The following MRGPRX3 variants were observed in gnomAD, a reference collection of about 807,000 sequenced individuals.
MRGPRX3 encodes mas-related G protein-coupled receptor member X3.
In MRGPRX3, 14 loss-of-function variants were observed where a neutral mutation model predicts 16.5. The ratio of observed to expected loss-of-function variants is 0.85; its 90% CI spans 0.56 to 1.33. MRGPRX3 has a LOEUF of 1.33. MRGPRX3 is among the 40% of genes most tolerant of loss of function. The pLI, the probability that MRGPRX3 is intolerant of heterozygous loss-of-function variation, is 0.00. For missense variants in MRGPRX3, 449 were observed against 413.0 expected (o/e 1.09, Z -0.76); for synonymous variants, 199 against 180.1 (o/e 1.10, Z -0.84).
chr11:18,128,698 A>C (rs964355784), upstream of MRGPRX3, among the ~76,000 whole-genome samples: 7 of 152,228 alleles, frequency 4.6e-5, no homozygotes, highest in Non-Finnish European at 8.8e-5. Context: ...TGGCTAGGAA[A>C]GGGAATTCCC....
In MRGPRX3 at chr11:18,121,031, C is replaced by T. The variant is rs558173989; in HGVS notation, c.-285C>T. 360 of 157,266 alleles carry T rather than the reference C, an allele frequency of 2.3e-3. 1 individual carries two copies. Among genetic ancestry groups the T allele is most frequent in the Middle Eastern group, 0.012 (4 of 340 alleles). 9.7% of individuals were successfully genotyped at this position (157,266 alleles called of 1,614,324 possible). On this transcript the variant is annotated 5_prime_UTR_variant, in exon 1 of 3. Transcript: ENST00000396275. The stretch of plus-strand genomic sequence containing the variant: ...GAAGTGAGGAGCGCCTCTTCCCGGC[C>T]GCCATCCCATCTAGGAAGTGAGGAG...
rs768529402 is a variant in MRGPRX3 at position 18,138,137 on chromosome 11, C to G, written c.935C>G (p.Thr312Ser). The G allele has an allele frequency of 5.0e-6, 8 of 1,613,198 alleles. No individual in the cohort carries two copies. The highest frequency in any genetic ancestry group is 6.8e-6 in the Non-Finnish European group (8 of 1,179,614). ...DEGGGWLPQE[T>S]LELSGSRLEQ ...GGTGGAGGGTGGCTTCCTCAGGAAA[C>G]CCTGGAGCTGTCGGGAAGCAGATTG... The change falls in exon 2 of 2, where the codon ACC becomes AGC. Residue 312 changes from threonine to serine, a missense_variant. Thr to Ser is a moderately conservative substitution (Grantham distance 58). Transcript: ENST00000621697.
At chr11:18,123,484 T>A (rs765272488) in intron 1 of MRGPRX3, among the ~76,000 whole-genome samples, 3 of 152,150 alleles carry the variant, frequency 2.0e-5, no homozygotes, top group African/African-American at 4.8e-5. Flanking sequence ...GTTTGTCAAA[T>A]ATCAGATAGT....
Position 18,132,676 on chromosome 11 carries a change from T to C in MRGPRX3, c.-89T>C, listed in dbSNP as rs1975777. ...AGTCCTCTGAAGTCACTGAATCCCA[T>C]AAAGGCTCTCTACCTTTAGCACAAG... On this transcript the variant is annotated 5_prime_UTR_variant, in exon 1 of 2. Coordinates refer to ENST00000621697, the MANE Select transcript of MRGPRX3 (RefSeq NM_001370464.1). 6.6e-6 allele frequency: 1 copy of C among 152,104 alleles called. No homozygotes were observed. The highest frequency in any genetic ancestry group is 2.4e-5 in the African/African-American group (1 of 41,398). The allele number at this position is 152,104 out of a possible 1,614,324, so 9.4% of individuals were successfully genotyped here.
In MRGPRX3 at chr11:18,121,774, GC is replaced by G. The variant is rs1287578484; in HGVS notation, c.-152+611del. 2.6e-5 allele frequency among the ~76,000 whole-genome samples: 4 copies of G among 152,292 alleles called. No individual in the cohort carries two copies. The East Asian group carries it at 7.7e-4, about 29-fold the overall frequency. Reference sequence around the variant, plus strand: ...ATGGATTAAGGGCGGTGAAAGATGTGCTTTGTTAAACAGACGCTTGAAGGCA... The same window carrying G: ...ATGGATTAAGGGCGGTGAAAGATGTGTTTGTTAAACAGACGCTTGAAGGCA... On this transcript the variant is annotated intron_variant, in intron 1 of 2. Transcript: ENST00000396275.
At chr11:18,125,657 A>G (rs2134079992) in intron 1 of MRGPRX3, among the ~76,000 whole-genome samples, 1 of 152,276 alleles carries the variant, frequency 6.6e-6, no homozygotes, top group Non-Finnish European at 1.5e-5. Context: ...AGAAGAATGT[A>G]TATTCTGTTG....
upstream of MRGPRX3, among the ~76,000 whole-genome samples, chr11:18,128,905 A>C (rs1487010368): frequency 6.6e-6 from 1 of 152,148 alleles, no homozygotes; most frequent in African/African-American, 2.4e-5. Flanking sequence ...AGCTGTTCCT[A>C]TTTGGCCATC....
Position 18,137,966 on chromosome 11 carries a change from T to C in MRGPRX3, c.764T>C (p.Leu255Pro). The change falls in exon 2 of 2, where the codon CTA becomes CCA. Residue 255 changes from leucine to proline, a missense_variant. Physicochemically the swap from Leu to Pro is moderately conservative, Grantham distance 98. Transcript: ENST00000621697. ...DWKVLFCHVH[L>P]VSIFLSALNS... is the part of the protein sequence containing the mutation. ...AAAGTCTTATTTTGTCATGTGCATCTAGTTTCCATTTTCCTGTCCGCTCTT... is the reference window on the plus strand; with the variant it reads ...AAAGTCTTATTTTGTCATGTGCATCCAGTTTCCATTTTCCTGTCCGCTCTT... The C allele has an allele frequency of 3.1e-6, 5 of 1,614,208 alleles. No individual in the cohort carries two copies. Among genetic ancestry groups the C allele is most frequent in the Non-Finnish European group, 4.2e-6 (5 of 1,180,038 alleles).
chr11:18,123,621 T>A (rs570503281), intron 1 of MRGPRX3, among the ~76,000 whole-genome samples: 1 of 152,322 alleles, frequency 6.6e-6, no homozygotes, highest in Admixed American at 6.5e-5. Flanking sequence ...TCAGGTAGTG[T>A]GATGCCTCCA....
upstream of MRGPRX3, among the ~76,000 whole-genome samples, chr11:18,128,471 G>A (rs1848925360): frequency 6.6e-6 from 1 of 152,232 alleles, no homozygotes; most frequent in African/African-American, 2.4e-5. Flanking sequence ...TCAAGCCTCA[G>A]CAATGGCGGG....
upstream of MRGPRX3, among the ~76,000 whole-genome samples, chr11:18,130,736 A>C (rs1848953636): frequency 6.6e-6 from 1 of 151,202 alleles, no homozygotes; most frequent in Non-Finnish European, 1.5e-5. Context: ...AGCAAGACTT[A>C]GCAAAAAGAA....
intron 1 of MRGPRX3, among the ~76,000 whole-genome samples, chr11:18,124,147 G>C (rs1848867745): frequency 6.6e-6 from 1 of 152,204 alleles, no homozygotes; most frequent in Admixed American, 6.5e-5. Context: ...GGGACAGTTT[G>C]ACTTCCTCTT....
intron 1 of MRGPRX3, among the ~76,000 whole-genome samples, chr11:18,125,205 C>G (rs1848880822): frequency 6.6e-6 from 1 of 152,108 alleles, no homozygotes; most frequent in African/African-American, 2.4e-5. Flanking sequence ...CTACTCTGAT[C>G]TTAGTTATTT....
chr11:18,137,840 G>A lies in MRGPRX3; in HGVS notation c.638G>A (p.Arg213Lys). Residue 213 changes from arginine to lysine, a missense_variant, in exon 2 of 2, where the codon AGG becomes AAG. Arg to Lys is a conservative substitution (Grantham distance 26). Transcript: ENST00000621697. Reference sequence around the variant, plus strand: ...GGATCCCGGAAGATGCCGCTGACCAGGCTGTACGTGACCATCCTCCTCACA... The same window carrying A: ...GGATCCCGGAAGATGCCGCTGACCAAGCTGTACGTGACCATCCTCCTCACA... Reference protein sequence around the residue: ...LCGSRKMPLTRLYVTILLTVL... With the variant: ...LCGSRKMPLTKLYVTILLTVL... 1.2e-6 allele frequency: 2 copies of A among 1,614,170 alleles called. No individual in the cohort carries two copies. Among genetic ancestry groups the A allele is most frequent in the Non-Finnish European group, 1.7e-6 (2 of 1,180,044 alleles).
chr11:18,125,866 G>T (rs571022661), intron 1 of MRGPRX3, among the ~76,000 whole-genome samples: 4 of 152,150 alleles, frequency 2.6e-5, no homozygotes, highest in Non-Finnish European at 5.9e-5. Context: ...ATGAATCTGG[G>T]TGCTCCTGTA....
At position 18,137,808 on chromosome 11, in the gene MRGPRX3, T is replaced by C. The variant is rs780861052; in HGVS notation, c.606T>C (p.Ile202=). The stretch of plus-strand genomic sequence containing the variant: ...CCAGCCTGGTCCTGCTGGTCAGGAT[T>C]CTCTGTGGATCCCGGAAGATGCCGC... The part of the protein sequence containing the change: ...CGSSLVLLVR[I]LCGSRKMPLT... Residue 202 remains isoleucine (I), a synonymous_variant, in exon 2 of 2, where the codon ATT becomes ATC. Coordinates refer to ENST00000621697, the MANE Select transcript of MRGPRX3 (RefSeq NM_001370464.1). 1.9e-5 allele frequency: 30 copies of C among 1,614,098 alleles called. No homozygotes were observed. The highest frequency in any genetic ancestry group is 1.1e-4 in the East Asian group (5 of 44,900).
rs1318672228 is a variant in MRGPRX3, at chr11:18,138,120, G to A, written c.918G>A (p.Gly306=). ...CGCCTGAGGTGGATGAAGGTGGAGG[G>A]TGGCTTCCTCAGGAAACCCTGGAGC... The part of the protein sequence containing the change: ...QDTPEVDEGG[G]WLPQETLELS... The change falls in exon 2 of 2, where the codon GGG becomes GGA. Residue 306 remains glycine (G), a synonymous_variant. Transcript: ENST00000621697. 5 of 1,614,064 alleles carry A rather than the reference G, an allele frequency of 3.1e-6. No individual in the cohort carries two copies. The highest frequency in any genetic ancestry group is 4.2e-6 in the Non-Finnish European group (5 of 1,180,002).
At chr11:18,122,816 T>G (rs1410021476) in intron 1 of MRGPRX3, among the ~76,000 whole-genome samples, 1 of 152,254 alleles carries the variant, frequency 6.6e-6, no homozygotes, top group East Asian at 1.9e-4. Context: ...GTGTAAAAGC[T>G]TTCCTGTTTC....
intron 1 of MRGPRX3, among the ~76,000 whole-genome samples, chr11:18,133,931 AC>A (rs148663074): frequency 6.6e-6 from 1 of 152,354 alleles, no homozygotes; most frequent in African/African-American, 2.4e-5. Flanking sequence ...CTGATGTGGT[AC>A]ATAGAAGCCA....
Sources: allele counts gnomAD v4.1 joint callset (sites outside exome capture counted in the v4.1 genomes callset), GRCh38; gene constraint gnomAD v4.1.1; transcripts MANE v1.5; gene names NCBI Gene and HGNC (gene_info 2026-07-23, HGNC 2026-07-21).